Variants in GPR141 observed in about 807,000 individuals in gnomAD.
GPR141 encodes the protein G protein-coupled receptor 141.
GPR141 carries 6 observed loss-of-function variants against 6.8 expected under a neutral mutation model. The observed-to-expected ratio is 0.88, with a 90% confidence interval of 0.48 to 1.74. GPR141 has a LOEUF of 1.74. Ranked by LOEUF, GPR141 falls within the 40% of genes most tolerant of loss-of-function variation. GPR141 has a pLI of 0.01. For missense variants in GPR141, 372 were observed against 372.9 expected, an observed-to-expected ratio of 1.00 and a Z score of 0.02; for synonymous variants, 140 against 142.3, an observed-to-expected ratio of 0.98 and a Z score of 0.11.
At chr7:37,721,984 C>T (rs1034827743) in intron 2 of GPR141, among the ~76,000 whole-genome samples, 1 of 152,164 alleles carries the variant, frequency 6.6e-6, no homozygotes, top group Non-Finnish European at 1.5e-5. Context: ...TATTGGAAAA[C>T]TTCTTGACAG....
rs1812506252 is a variant in GPR141 at position 37,740,762 on chromosome 7, A to C, written c.369A>C (p.Lys123Asn). The change falls in exon 3 of 3, where the codon AAA becomes AAC. Residue 123 changes from lysine to asparagine, a missense_variant. Physicochemically the swap from Lys to Asn is moderately conservative, Grantham distance 94 (BLOSUM62 0). Coordinates refer to ENST00000334425, the MANE Select transcript of GPR141 (RefSeq NM_001381946.1). ...TCATCTTCTTCAAGTGCAAAGACAA[A>C]GTGGAATTCTACAGAAAACTGCATG... is the stretch of plus-strand genomic sequence containing the variant. ...RYLIFFKCKD[K>N]VEFYRKLHAV... 6.2e-7 allele frequency: 1 copy of C among 1,613,950 alleles called. No homozygotes were observed. Among genetic ancestry groups the C allele is most frequent in the South Asian group, 1.1e-5 (1 of 91,086 alleles).
At chr7:37,724,886 T>C (rs1811549098) in intron 2 of GPR141, among the ~76,000 whole-genome samples, 1 of 152,170 alleles carries the variant, frequency 6.6e-6, no homozygotes, top group Non-Finnish European at 1.5e-5. Flanking sequence ...TCTGTCCTGC[T>C]GGGCCTCTGG....
chr7:37,712,755 A>G (rs1378618006), intron 2 of GPR141, among the ~76,000 whole-genome samples: 1 of 152,236 alleles, frequency 6.6e-6, no homozygotes. Flanking sequence ...TAATAAGTTT[A>G]TCCCAAGACT....
chr7:37,709,035 T>G lies in GPR141; in HGVS notation c.-15+23452T>G, dbSNP rs905327370. On this transcript the variant is annotated intron_variant, in intron 2 of 2. Coordinates refer to ENST00000334425, the MANE Select transcript of GPR141 (RefSeq NM_001381946.1). ...TATCCACAAGCTATAGCACCTATTT[T>G]GAGTGCATCTAAGACTGTTTTGTTT... Among the ~76,000 whole-genome samples, 7 of 152,344 alleles carry G rather than the reference T, an allele frequency of 4.6e-5. No homozygotes were observed. In the East Asian group the frequency reaches 1.3e-3, roughly 29 times the overall value.
Position 37,743,299 on chromosome 7 carries a change from A to C in GPR141, c.*1988A>C, listed in dbSNP as rs1324818956. Among the ~76,000 whole-genome samples the C allele has an allele frequency of 6.6e-6, 1 of 152,176 alleles. No homozygotes were observed. The highest frequency in any genetic ancestry group is 2.4e-5 in the African/African-American group (1 of 41,438). ...GTGAATTTCTGTGACCACTAAAATTACTGAGCCACAGAAATTAATTCTGAG... is the reference window on the plus strand; with the variant it reads ...GTGAATTTCTGTGACCACTAAAATTCCTGAGCCACAGAAATTAATTCTGAG... On this transcript the variant is annotated 3_prime_UTR_variant, in exon 3 of 3. Transcript: ENST00000334425.
In GPR141 at chr7:37,702,230, G is replaced by C. The variant is rs182374643; in HGVS notation, c.-15+16647G>C. 8.4e-4 allele frequency among the ~76,000 whole-genome samples: 128 copies of C among 151,980 alleles called. 1 individual carries two copies. The highest frequency in any genetic ancestry group is 2.0e-3 in the Admixed American group (31 of 15,278). On this transcript the variant is annotated intron_variant, in intron 2 of 2. Transcript: ENST00000334425. ...GAGTTTGGTACACAAATTATATATT[G>C]ATAAAATGTACATCTATTTCTGCCT...
At chr7:37,717,614 T>C (rs2709105) in intron 2 of GPR141, among the ~76,000 whole-genome samples, 118,218 of 151,958 alleles carry the variant, frequency 0.78, 46,478 homozygotes, top group African/African-American at 0.89. Flanking sequence ...TTTCTGCCTT[T>C]AAGTGTCACT....
intron 2 of GPR141, among the ~76,000 whole-genome samples, chr7:37,730,898 C>T (rs1419272166): frequency 1.3e-5 from 2 of 152,240 alleles, no homozygotes; most frequent in Non-Finnish European, 2.9e-5. Flanking sequence ...GGTTGTTAAG[C>T]TTTGAACTTT....
rs1332421128 is a variant in GPR141 at position 37,740,729 on chromosome 7, C to T, written c.336C>T (p.Thr112=). 1.9e-6 allele frequency: 3 copies of T among 1,614,074 alleles called. No homozygotes were observed. Among genetic ancestry groups the T allele is most frequent in the Admixed American group, 1.7e-5 (1 of 60,010 alleles). The stretch of plus-strand genomic sequence containing the variant: ...TATTCTATGTGGTGATCCTGGTCAC[C>T]AGATACCTCATCTTCTTCAAGTGCA... ...TFLFYVVILV[T]RYLIFFKCKD... The change falls in exon 3 of 3, where the codon ACC becomes ACT. Residue 112 remains threonine (T), a synonymous_variant. Coordinates refer to ENST00000334425, the MANE Select transcript of GPR141 (RefSeq NM_001381946.1).
intron 2 of GPR141, among the ~76,000 whole-genome samples, chr7:37,738,415 A>T (rs1048819433): frequency 1.3e-5 from 2 of 152,192 alleles, no homozygotes; most frequent in Non-Finnish European, 2.9e-5. Context: ...TTCATTCTTG[A>T]CTCACATGTG....
At chr7:37,703,820 CTATT>C (rs1402710182) in intron 2 of GPR141, among the ~76,000 whole-genome samples, 3 of 151,982 alleles carry the variant, frequency 2.0e-5, no homozygotes, top group Non-Finnish European at 4.4e-5. Context: ...TTTTTCATCT[CTATT>C]ATATGGTTCA....
At chr7:37,724,259 T>A (rs563714622) in intron 2 of GPR141, among the ~76,000 whole-genome samples, 1 of 152,290 alleles carries the variant, frequency 6.6e-6, no homozygotes, top group East Asian at 1.9e-4. Context: ...GCTGCAGATC[T>A]AACTTTACTT....
chr7:37,725,813 AAT>A (rs953077957), intron 2 of GPR141, among the ~76,000 whole-genome samples: 2 of 151,866 alleles, frequency 1.3e-5, no homozygotes, highest in Non-Finnish European at 2.9e-5. Context: ...TTTATTTTAA[AAT>A]ATGTCTATTT....
intron 2 of GPR141, among the ~76,000 whole-genome samples, chr7:37,722,024 A>C (rs1811350924): frequency 6.6e-6 from 1 of 152,168 alleles, no homozygotes; most frequent in Non-Finnish European, 1.5e-5. Flanking sequence ...GCAGAAATAA[A>C]CTTTTGACTT....
intron 2 of GPR141, among the ~76,000 whole-genome samples, chr7:37,690,690 A>G (rs1344948154): frequency 2.6e-5 from 4 of 151,980 alleles, no homozygotes; most frequent in African/African-American, 4.8e-5. Context: ...TATTATTTCA[A>G]TTCTTTTAAA....
At chr7:37,686,884 C>G (rs978471261) in intron 2 of GPR141, among the ~76,000 whole-genome samples, 4 of 152,096 alleles carry the variant, frequency 2.6e-5, no homozygotes, top group Non-Finnish European at 5.9e-5. Context: ...TACAAGGTTG[C>G]TAGTAACCTA....
chr7:37,705,419 A>G (rs141149392), intron 2 of GPR141, among the ~76,000 whole-genome samples: 144 of 152,344 alleles, frequency 9.5e-4, no homozygotes, highest in Middle Eastern at 3.4e-3. Context: ...TATTTCTATA[A>G]CCTCAGTAGA....
At chr7:37,702,828 A>T (rs997335410) in intron 2 of GPR141, among the ~76,000 whole-genome samples, 12 of 149,868 alleles carry the variant, frequency 8.0e-5, no homozygotes, top group Non-Finnish European at 1.8e-4. Context: ...TAAATAAAAT[A>T]AAAATTAAAA....
At chr7:37,740,274 A>G (rs889821152) in intron 2 of GPR141, 106 bp from the exon 3 acceptor site, 8 of 711,434 alleles carry the variant, frequency 1.1e-5, no homozygotes, top group African/African-American at 1.8e-5. Flanking sequence ...TAAAGTTTAT[A>G]TCATATAAGC....
Sources: allele counts gnomAD v4.1 joint callset (sites outside exome capture counted in the v4.1 genomes callset), GRCh38; gene constraint gnomAD v4.1.1; transcripts MANE v1.5; gene names NCBI Gene and HGNC (gene_info 2026-07-23, HGNC 2026-07-21).